The following GPR176 variants were observed in gnomAD, a reference collection of about 807,000 sequenced individuals.
The protein encoded by GPR176 is G-protein coupled receptor 176.
In GPR176, 26 loss-of-function variants were observed where a neutral mutation model predicts 35.4. The ratio of observed to expected loss-of-function variants is 0.74; its 90% CI spans 0.54 to 1.02. The LOEUF (loss-of-function observed/expected upper bound fraction) is 1.02, where lower values mean the gene tolerates loss of function less well. Ranked by LOEUF, GPR176 falls within the 50% of genes least tolerant of loss-of-function variation. The pLI is 0.00. For missense variants in GPR176, 597 were observed against 665.3 expected, an observed-to-expected ratio of 0.90 and a Z score of 1.13; for synonymous variants, 278 against 271.3, an observed-to-expected ratio of 1.02 and a Z score of -0.24.
At chr15:39,908,366 C>G (rs1223272190) in intron 1 of GPR176, among the ~76,000 whole-genome samples, 2 of 152,172 alleles carry the variant, frequency 1.3e-5, no homozygotes, top group Non-Finnish European at 2.9e-5. Context: ...TCAGGCCCTG[C>G]AGGGCTGTGA....
Position 39,800,987 on chromosome 15 carries a change from A to G in GPR176, c.*145T>C. 8.7e-6 allele frequency: 6 copies of G among 688,878 alleles called. No homozygotes were observed. The highest frequency in any genetic ancestry group is 1.5e-5 in the Non-Finnish European group (6 of 398,614). 42.7% of individuals were successfully genotyped at this position (688,878 alleles called of 1,614,324 possible). ...CACTGGATTTTATGTAGATTTCCCT[A>G]TCATTCAAAAGCATCTGGCCCATAT... On this transcript the variant is annotated 3_prime_UTR_variant, in exon 3 of 3. Transcript: ENST00000561100.
At chr15:39,866,675 T>C (rs2031843647) in intron 1 of GPR176, among the ~76,000 whole-genome samples, 1 of 152,244 alleles carries the variant, frequency 6.6e-6, no homozygotes. Flanking sequence ...AGAAATGTGA[T>C]AATTCTTACT....
At chr15:39,896,865 G>A (rs2033127888) in intron 1 of GPR176, among the ~76,000 whole-genome samples, 1 of 152,216 alleles carries the variant, frequency 6.6e-6, no homozygotes, top group African/African-American at 2.4e-5. Flanking sequence ...GGAAGATCCT[G>A]TCTCTATAAA....
chr15:39,856,021 C>T (rs1489814990), intron 1 of GPR176, among the ~76,000 whole-genome samples: 2 of 152,062 alleles, frequency 1.3e-5, no homozygotes, highest in East Asian at 3.9e-4. Flanking sequence ...ATCACTTGAC[C>T]AATATCACCT....
intron 1 of GPR176, among the ~76,000 whole-genome samples, chr15:39,837,310 T>C (rs988024653): frequency 6.6e-6 from 1 of 152,154 alleles, no homozygotes; most frequent in Non-Finnish European, 1.5e-5. Context: ...ATTCTCTCTG[T>C]CCACTGCCTA....
rs570565321 is a variant in GPR176 at position 39,837,450 on chromosome 15, A to C, written c.173-30192T>G. ...GTAGGAATTCCCTTGCCTCTTGTAC[A>C]TACGTGGTAAATCCTATTTAAGCTT... is the stretch of plus-strand genomic sequence containing the variant. On this transcript the variant is annotated intron_variant, in intron 1 of 2. Transcript: ENST00000561100. Among the ~76,000 whole-genome samples, 26 of 152,280 alleles carry C rather than the reference A, an allele frequency of 1.7e-4. 1 individual carries two copies. Among genetic ancestry groups the C allele is most frequent in the South Asian group, 6.2e-4 (3 of 4,832 alleles).
intron 1 of GPR176, among the ~76,000 whole-genome samples, chr15:39,878,767 T>C (rs958739041): frequency 1.3e-5 from 2 of 152,252 alleles, no homozygotes; most frequent in African/African-American, 4.8e-5. Context: ...TTCCTGCCTT[T>C]AGTTGTAAAA....
intron 1 of GPR176, among the ~76,000 whole-genome samples, chr15:39,842,243 C>T (rs2030050766): frequency 6.6e-6 from 1 of 151,966 alleles, no homozygotes; most frequent in South Asian, 2.1e-4. Flanking sequence ...CGACAGAAGG[C>T]AAAGGGGAAG....
chr15:39,821,335 T>C (rs12438821), intron 1 of GPR176, among the ~76,000 whole-genome samples: 15,285 of 152,272 alleles, frequency 0.1, 1,123 homozygotes, highest in Admixed American at 0.23. Context: ...TTTCTCAGTT[T>C]GTAAAATATT....
intron 1 of GPR176, among the ~76,000 whole-genome samples, chr15:39,819,680 G>A (rs1020467273): frequency 7.9e-5 from 12 of 152,148 alleles, no homozygotes; most frequent in Middle Eastern, 3.2e-3. Flanking sequence ...TCTAGTGAAC[G>A]TACAGGGAAT....
intron 1 of GPR176, among the ~76,000 whole-genome samples, chr15:39,858,995 C>T (rs1595486688): frequency 6.6e-6 from 1 of 152,260 alleles, no homozygotes; most frequent in East Asian, 1.9e-4. Context: ...GGTCCACCCA[C>T]CTGGGCCTCC....
At chr15:39,844,225 G>C (rs1434316185) in intron 1 of GPR176, among the ~76,000 whole-genome samples, 1 of 152,008 alleles carries the variant, frequency 6.6e-6, no homozygotes, top group Non-Finnish European at 1.5e-5. Context: ...TATTACATGG[G>C]GTGCTTGTAA....
intron 1 of GPR176, among the ~76,000 whole-genome samples, chr15:39,842,233 C>T (rs548293597): frequency 2.6e-5 from 4 of 152,116 alleles, no homozygotes; most frequent in Admixed American, 6.5e-5. Flanking sequence ...CTTACAAGCA[C>T]GACAGAAGGC....
chr15:39,894,144 C>G (rs1287546418), intron 1 of GPR176, among the ~76,000 whole-genome samples: 3 of 117,912 alleles, frequency 2.5e-5, no homozygotes, highest in African/African-American at 9.9e-5. Context: ...CTGACCCCCC[C>G]ACCTCCCTCC....
intron 1 of GPR176, among the ~76,000 whole-genome samples, chr15:39,902,419 G>T (rs1472543795): frequency 6.6e-6 from 1 of 152,192 alleles, no homozygotes; most frequent in Admixed American, 6.5e-5. Context: ...ATAGCATCCT[G>T]CAGAGAAACA....
intron 1 of GPR176, among the ~76,000 whole-genome samples, chr15:39,917,182 C>T (rs962271486): frequency 1.3e-5 from 2 of 151,572 alleles, no homozygotes; most frequent in Admixed American, 6.6e-5. Context: ...ACTTGGGAGG[C>T]TGAGGCAGGA....
At chr15:39,919,571 C>A (rs1595531622) in intron 1 of GPR176, among the ~76,000 whole-genome samples, 1 of 152,346 alleles carries the variant, frequency 6.6e-6, no homozygotes, top group East Asian at 1.9e-4. Context: ...CACCCAGGAG[C>A]ATTCCGCCGG....
At chr15:39,848,816 C>T (rs922091820) in intron 1 of GPR176, among the ~76,000 whole-genome samples, 13 of 148,768 alleles carry the variant, frequency 8.7e-5, no homozygotes, top group Non-Finnish European at 1.6e-4. Flanking sequence ...ATAGCTAAAG[C>T]AGTGCTGAGA....
intron 1 of GPR176, among the ~76,000 whole-genome samples, chr15:39,835,624 T>C (rs892302554): frequency 5.3e-5 from 8 of 152,118 alleles, no homozygotes; most frequent in African/African-American, 1.9e-4. Context: ...AAAATATCTG[T>C]ATTTCAGGAA....
Sources: allele counts gnomAD v4.1 joint callset (sites outside exome capture counted in the v4.1 genomes callset), GRCh38; gene constraint gnomAD v4.1.1; transcripts MANE v1.5; gene names NCBI Gene and HGNC (gene_info 2026-07-23, HGNC 2026-07-21).